Variants in PPP1R9A observed in about 807,000 individuals in gnomAD.
The protein encoded by PPP1R9A is neurabin-1.
In PPP1R9A, 59 loss-of-function variants were observed where a neutral mutation model predicts 141.9. That is an observed-to-expected ratio of 0.42 (90% CI 0.34 to 0.52). The LOEUF is 0.52. Ranked by LOEUF, PPP1R9A falls within the 20% of genes least tolerant of loss-of-function variation. PPP1R9A has a pLI of 0.10. For synonymous variants in PPP1R9A, 500 were observed against 569.7 expected (o/e 0.88, Z 1.74); for missense variants, 1,444 against 1,611.9 (o/e 0.90, Z 1.78).
chr7:94,954,599 T>G (rs1796865458), intron 2 of PPP1R9A, among the ~76,000 whole-genome samples: 1 of 151,854 alleles, frequency 6.6e-6, no homozygotes, highest in African/African-American at 2.4e-5. Context: ...TTCAGACTTT[T>G]AAAGATAACA....
intron 2 of PPP1R9A, among the ~76,000 whole-genome samples, chr7:95,022,259 TTGCCTCTC>T (rs1806085545): frequency 6.6e-6 from 1 of 152,224 alleles, no homozygotes; most frequent in African/African-American, 2.4e-5. Flanking sequence ...CACTCATGAC[TTGCCTCTC>T]TGTTTGTCTA....
At position 95,029,794 on chromosome 7, in the gene PPP1R9A, CAT is replaced by C. The variant is rs571310500; in HGVS notation, c.1396-81464_1396-81463del. On this transcript the variant is annotated intron_variant, in intron 2 of 19. Coordinates refer to ENST00000433360, the MANE Select transcript of PPP1R9A (RefSeq NM_001166160.2). ...TGGCTTTTTGGAAAATTATTTTAGA[CAT>C]GTGTTTGATTTCATATTTCTGATGC... Among the ~76,000 whole-genome samples, 561 of 152,282 alleles carry C rather than the reference CAT, an allele frequency of 3.7e-3. 5 individuals carry two copies. The highest frequency in any genetic ancestry group is 0.012 in the African/African-American group (490 of 41,566).
chr7:95,000,870 A>G (rs1397308823), intron 2 of PPP1R9A, among the ~76,000 whole-genome samples: 1 of 152,198 alleles, frequency 6.6e-6, no homozygotes, highest in East Asian at 1.9e-4. Context: ...TAGTTAACGC[A>G]GAATTGACTT....
rs1015060311 is a variant in PPP1R9A, at chr7:95,122,334, A to G, written c.1649+1502A>G. Among the ~76,000 whole-genome samples, 3 of 152,050 alleles carry G rather than the reference A, an allele frequency of 2.0e-5. No homozygotes were observed. In the East Asian group the frequency reaches 5.8e-4, roughly 29 times the overall value. ...GCTAATTTTTGTATTTTTAGTAGAG[A>G]CGGGGTTTCACCATGTTGGTCAGAA... On this transcript the variant is annotated intron_variant, in intron 4 of 19. Transcript: ENST00000433360.
rs535768643 is a variant in PPP1R9A, at chr7:95,218,022, G to T, written c.1957-7939G>T. ...TCTTGTCTTCTGCTAGCTTTTGAAT[G>T]TGTTTGCTCTTGCTTCTCTAGTTCT... On this transcript the variant is annotated intron_variant, in intron 7 of 19. Transcript: ENST00000433360. Among the ~76,000 whole-genome samples, 287 of 152,198 alleles carry T rather than the reference G, an allele frequency of 1.9e-3. 1 individual carries two copies. Among genetic ancestry groups the T allele is most frequent in the African/African-American group, 6.6e-3 (275 of 41,530 alleles).
chr7:95,050,790 T>G (rs1584446088), intron 2 of PPP1R9A, among the ~76,000 whole-genome samples: 2 of 152,180 alleles, frequency 1.3e-5, no homozygotes, highest in South Asian at 4.1e-4. Flanking sequence ...ATAAGTGTGT[T>G]GAATTTAAGG....
intron 2 of PPP1R9A, among the ~76,000 whole-genome samples, chr7:95,043,527 A>G (rs938482097): frequency 6.6e-6 from 1 of 152,170 alleles, no homozygotes; most frequent in Non-Finnish European, 1.5e-5. Context: ...ACACAAGGGC[A>G]CAGTGATCTC....
intron 2 of PPP1R9A, among the ~76,000 whole-genome samples, chr7:94,997,279 C>G (rs1178333194): frequency 6.6e-6 from 1 of 151,906 alleles, no homozygotes; most frequent in African/African-American, 2.4e-5. Flanking sequence ...CTGTTCTAGT[C>G]TCTTTTTTTC....
chr7:94,974,612 G>A (rs377505800), intron 2 of PPP1R9A, among the ~76,000 whole-genome samples: 5 of 152,252 alleles, frequency 3.3e-5, no homozygotes, highest in East Asian at 1.9e-4. Context: ...CTTTAGTTAC[G>A]TCAGGTCAAC....
chr7:95,053,749 T>A (rs1480536801), intron 2 of PPP1R9A, among the ~76,000 whole-genome samples: 1 of 152,178 alleles, frequency 6.6e-6, no homozygotes, highest in Non-Finnish European at 1.5e-5. Context: ...AAAGTAGGCT[T>A]ACAAGGATCT....
intron 2 of PPP1R9A, among the ~76,000 whole-genome samples, chr7:95,021,118 A>C (rs1805888909): frequency 6.6e-6 from 1 of 152,116 alleles, no homozygotes; most frequent in African/African-American, 2.4e-5. Flanking sequence ...CTATTTCTCC[A>C]CATCCTCTCC....
At chr7:95,046,149 G>A (rs1163052150) in intron 2 of PPP1R9A, among the ~76,000 whole-genome samples, 1 of 151,308 alleles carries the variant, frequency 6.6e-6, no homozygotes, top group East Asian at 1.9e-4. Context: ...CACAATCTCG[G>A]TTCCCTGCAA....
intron 5 of PPP1R9A, among the ~76,000 whole-genome samples, chr7:95,169,344 A>G (rs994819139): frequency 4.0e-5 from 6 of 151,896 alleles, no homozygotes; most frequent in African/African-American, 1.4e-4. Flanking sequence ...TGTTGATCTT[A>G]TAGAGGTAGA....
At chr7:94,982,699 G>C (rs1412404805) in intron 2 of PPP1R9A, among the ~76,000 whole-genome samples, 2 of 152,016 alleles carry the variant, frequency 1.3e-5, no homozygotes, top group Non-Finnish European at 2.9e-5. Flanking sequence ...AAATTTGTTT[G>C]AGTTCTTTGT....
At chr7:95,162,200 T>G (rs900396419) in intron 5 of PPP1R9A, among the ~76,000 whole-genome samples, 1 of 152,182 alleles carries the variant, frequency 6.6e-6, no homozygotes. Flanking sequence ...GCACTTGTCT[T>G]CATATCTTTC....
intron 2 of PPP1R9A, among the ~76,000 whole-genome samples, chr7:94,981,388 C>T (rs183545894): frequency 7.9e-5 from 12 of 152,164 alleles, no homozygotes; most frequent in Admixed American, 2.0e-4. Context: ...TACAGGAGTG[C>T]GCTACCGCAG....
chr7:95,175,528 A>G (rs1832774855), intron 5 of PPP1R9A, among the ~76,000 whole-genome samples: 1 of 151,948 alleles, frequency 6.6e-6, no homozygotes, highest in Admixed American at 6.6e-5. Flanking sequence ...AAGACATGGT[A>G]ATAATTATAA....
chr7:94,950,500 G>A (rs1459245935), intron 2 of PPP1R9A, among the ~76,000 whole-genome samples: 34 of 151,944 alleles, frequency 2.2e-4, no homozygotes, highest in Admixed American at 2.2e-3. Context: ...GAATTAGCCT[G>A]TGCAATTGCT....
chr7:94,988,875 C>T (rs1292590210), intron 2 of PPP1R9A, among the ~76,000 whole-genome samples: 1 of 151,698 alleles, frequency 6.6e-6, no homozygotes, highest in Non-Finnish European at 1.5e-5. Flanking sequence ...CAGTCCTTAG[C>T]TGTTCAGGAG....
Sources: allele counts gnomAD v4.1 joint callset (sites outside exome capture counted in the v4.1 genomes callset), GRCh38; gene constraint gnomAD v4.1.1; transcripts MANE v1.5; gene names NCBI Gene and HGNC (gene_info 2026-07-23, HGNC 2026-07-21).